The following SLC45A3 variants were observed in gnomAD, a reference collection of about 807,000 sequenced individuals.
SLC45A3 encodes the protein solute carrier family 45 member 3, also known as prostate cancer associated protein 2.
SLC45A3 carries 17 observed loss-of-function variants against 35.3 expected under a neutral mutation model. The ratio of observed to expected loss-of-function variants is 0.48; its 90% CI spans 0.33 to 0.72. SLC45A3 has a LOEUF of 0.72. Among genes scored for constraint, SLC45A3 ranks in the 30% least tolerant of loss-of-function variants. The probability of loss-of-function intolerance (pLI) is 0.02; values close to 1 mark genes in which losing one functional copy is unlikely to be tolerated. For synonymous variants in SLC45A3, 288 were observed against 334.3 expected, an observed-to-expected ratio of 0.86 and a Z score of 1.51; for missense variants, 597 against 731.7, an observed-to-expected ratio of 0.82 and a Z score of 2.12.
chr1:205,664,729 G>A lies in SLC45A3; in HGVS notation c.-73C>T. ...ACTGCTTCGTCTCGGCTCTGCTCCA[G>A]AAGCTGCGGCCTCTCCTCCTTGCTG... On this transcript the variant is annotated 5_prime_UTR_variant, in exon 2 of 5. Coordinates refer to ENST00000367145, the MANE Select transcript of SLC45A3 (RefSeq NM_033102.3). This position sits in a 1 kb window ranked among gnomAD's most constrained non-coding sequence, Gnocchi z 5.3. 6.4e-7 allele frequency: 1 copy of A among 1,556,648 alleles called. No homozygotes were observed. The highest frequency in any genetic ancestry group is 8.7e-7 in the Non-Finnish European group (1 of 1,153,602).
At chr1:205,676,842 A>G (rs1201487105) in intron 1 of SLC45A3, among the ~76,000 whole-genome samples, 1 of 152,116 alleles carries the variant, frequency 6.6e-6, no homozygotes. Flanking sequence ...CTCCAGCTCT[A>G]TTGCTGGGAG....
chr1:205,659,240 T>C lies in SLC45A3; in HGVS notation c.1656A>G (p.Ser552=), dbSNP rs556343628. The C allele has an allele frequency of 1.2e-6, 2 of 1,608,564 alleles. No individual in the cohort carries two copies. Among genetic ancestry groups the C allele is most frequent in the East Asian group, 2.2e-5 (1 of 44,828 alleles). ...CCAATGTGCTGGAAGTTTTCTACGC[T>C]GAGTATTTGGCCAAGTCGCTCTTGT... ...VFDKSDLAKY[S]A is the part of the protein sequence containing the mutation. The change falls in exon 5 of 5, where the codon TCA becomes TCG. Residue 552 remains serine (S), a synonymous_variant. Coordinates refer to ENST00000367145, the MANE Select transcript of SLC45A3 (RefSeq NM_033102.3). The surrounding 1 kb of genome is among the most constrained non-coding windows in gnomAD (Gnocchi z 5.8).
chr1:205,667,090 C>G (rs1671131157), intron 1 of SLC45A3, among the ~76,000 whole-genome samples: 1 of 152,180 alleles, frequency 6.6e-6, no homozygotes, highest in Admixed American at 6.5e-5. Flanking sequence ...AATTGCAGGC[C>G]AGGCACAGTG....
At chr1:205,671,691 C>T (rs1022683865) in intron 1 of SLC45A3, among the ~76,000 whole-genome samples, 4 of 152,118 alleles carry the variant, frequency 2.6e-5, no homozygotes, top group Admixed American at 1.3e-4. Context: ...GAAACCCCGT[C>T]TCTACTAAAA....
In SLC45A3 at chr1:205,659,526, G is replaced by GAGCA. The variant is rs759712471; in HGVS notation, c.1369_1370insTGCT (p.Pro457LeufsTer12). 3.0e-5 allele frequency: 48 copies of GAGCA among 1,610,388 alleles called. No individual in the cohort carries two copies. Among genetic ancestry groups the GAGCA allele is most frequent in the Non-Finnish European group, 3.8e-5 (45 of 1,177,932 alleles). On this transcript the variant is annotated frameshift_variant, in exon 5 of 5. Coordinates refer to ENST00000367145, the MANE Select transcript of SLC45A3 (RefSeq NM_033102.3). LOFTEE classifies it high-confidence loss of function. The surrounding 1 kb of genome is among the most constrained non-coding windows in gnomAD (Gnocchi z 5.8). Reference sequence around the variant, plus strand: ...GGCAGAGGCCCCGCAGAGCGCGGGTGGAGGTGGGAGCAGGCCACTGCCTCC... The same window carrying GAGCA: ...GGCAGAGGCCCCGCAGAGCGCGGGTGAGCAGAGGTGGGAGCAGGCCACTGCCTCC...
intron 1 of SLC45A3, among the ~76,000 whole-genome samples, chr1:205,667,764 G>A (rs1671142627): frequency 6.6e-6 from 1 of 151,942 alleles, no homozygotes; most frequent in East Asian, 1.9e-4. Context: ...CACCTGCCTT[G>A]CCCCTCCCTT....
chr1:205,659,141 T>C lies in SLC45A3; in HGVS notation c.*93A>G, dbSNP rs574022113. The C allele has an allele frequency of 8.3e-6, 11 of 1,331,110 alleles. No homozygotes were observed. The African/African-American group carries it at 1.3e-4, about 16-fold the overall frequency. 82.5% of individuals were successfully genotyped at this position (1,331,110 alleles called of 1,614,324 possible). A position where few individuals can be genotyped will look rare whatever the true frequency, so the allele number is the denominator to read the frequency against. ...ACATTACTTTGGCAGCAACAGAAACTGGCGGCCAGCCCGGCAGCCCCATGG... is the reference window on the plus strand; with the variant it reads ...ACATTACTTTGGCAGCAACAGAAACCGGCGGCCAGCCCGGCAGCCCCATGG... On this transcript the variant is annotated 3_prime_UTR_variant, in exon 5 of 5. Coordinates refer to ENST00000367145, the MANE Select transcript of SLC45A3 (RefSeq NM_033102.3). This position sits in a 1 kb window ranked among gnomAD's most constrained non-coding sequence, Gnocchi z 5.8.
chr1:205,659,399 G>A lies in SLC45A3; in HGVS notation c.1497C>T (p.Phe499=). The part of the protein sequence containing the change: ...CLDLAILDSA[F]LLSQVAPSLF... ...GGGATGGGGCCACCTGGGACAGCAG[G>A]AAGGCACTATCCAGGATGGCGAGGT... Residue 499 remains phenylalanine, a synonymous_variant, in exon 5 of 5, where the codon TTC becomes TTT. Transcript: ENST00000367145. The surrounding 1 kb of genome is among the most constrained non-coding windows in gnomAD (Gnocchi z 5.8). 2 of 1,614,208 alleles carry A rather than the reference G, an allele frequency of 1.2e-6. No homozygotes were observed. Among genetic ancestry groups the A allele is most frequent in the Non-Finnish European group, 1.7e-6 (2 of 1,180,042 alleles).
intron 4 of SLC45A3, among the ~76,000 whole-genome samples, chr1:205,661,517 G>A (rs1366708563): frequency 1.3e-5 from 2 of 152,078 alleles, no homozygotes; most frequent in Non-Finnish European, 2.9e-5. Context: ...ATGGCCCAGG[G>A]GTCATCTGAT....
chr1:205,659,604 A>T lies in SLC45A3; in HGVS notation c.1292T>A (p.Phe431Tyr), dbSNP rs1409052781. 6.4e-7 allele frequency: 1 copy of T among 1,561,314 alleles called. No homozygotes were observed. Among genetic ancestry groups the T allele is most frequent in the Non-Finnish European group, 8.7e-7 (1 of 1,155,586 alleles). Reference sequence around the variant, plus strand: ...AGCTCCAGGCTTAGGGCCTGGCAGGAAGCTGGTCATCAGGCTGTCCTCACT... The same window carrying T: ...AGCTCCAGGCTTAGGGCCTGGCAGGTAGCTGGTCATCAGGCTGTCCTCACT... ...ASSEDSLMTS[F>Y]LPGPKPGAPF... The change falls in exon 5 of 5, where the codon TTC becomes TAC. Residue 431 changes from phenylalanine (F) to tyrosine (Y), a missense_variant. Phe to Tyr is a conservative substitution (Grantham distance 22). Coordinates refer to ENST00000367145, the MANE Select transcript of SLC45A3 (RefSeq NM_033102.3). This position sits in a 1 kb window ranked among gnomAD's most constrained non-coding sequence, Gnocchi z 5.8.
intron 1 of SLC45A3, among the ~76,000 whole-genome samples, chr1:205,672,305 G>A (rs1671231166): frequency 6.6e-6 from 1 of 152,106 alleles, no homozygotes; most frequent in Admixed American, 6.5e-5. Flanking sequence ...CTCCCCAGGT[G>A]CTGGCCCCAA....
chr1:205,679,200 T>TG lies in SLC45A3; in HGVS notation c.-231+1193dup, dbSNP rs1226492067. On this transcript the variant is annotated intron_variant, in intron 1 of 4. Coordinates refer to ENST00000367145, the MANE Select transcript of SLC45A3 (RefSeq NM_033102.3). ...CAGCAGCTGGGCTATTCTTAGTCCC[T>TG]GCTCCACCGGGACCGGGTCTGTGTA... Among the ~76,000 whole-genome samples the TG allele has an allele frequency of 3.9e-5, 6 of 152,220 alleles. No individual in the cohort carries two copies. The East Asian group carries it at 1.2e-3, about 29-fold the overall frequency.
intron 1 of SLC45A3, among the ~76,000 whole-genome samples, chr1:205,674,602 C>CAAAAA (rs57508315): frequency 2.1e-5 from 2 of 95,456 alleles, no homozygotes; most frequent in East Asian, 9.4e-4. Flanking sequence ...GATGCTGTTT[C>CAAAAA]AAAAAAAAAA....
In SLC45A3 at chr1:205,669,685, G is replaced by A. The variant is rs1462993315; in HGVS notation, c.-230-4799C>T. Among the ~76,000 whole-genome samples the A allele has an allele frequency of 6.6e-6, 1 of 152,158 alleles. No individual in the cohort carries two copies. The highest frequency in any genetic ancestry group is 1.9e-4 in the East Asian group (1 of 5,172). ...GGCTCAGCGACCCTGCGTGTTCCCT[G>A]CACACTCACAAAGACGCTCTGCTTT... On this transcript the variant is annotated intron_variant, in intron 1 of 4. Coordinates refer to ENST00000367145, the MANE Select transcript of SLC45A3 (RefSeq NM_033102.3). This position sits in a 1 kb window ranked among gnomAD's most constrained non-coding sequence, Gnocchi z 4.1.
Position 205,669,186 on chromosome 1 carries a change from A to C in SLC45A3, c.-230-4300T>G, listed in dbSNP as rs1335401142. Among the ~76,000 whole-genome samples the C allele has an allele frequency of 6.6e-6, 1 of 152,214 alleles. No homozygotes were observed. The highest frequency in any genetic ancestry group is 1.5e-5 in the Non-Finnish European group (1 of 68,034). Reference sequence around the variant, plus strand: ...TTGCAGGCCCAACTCCAGAGGGAGCAGCTCCTATGGGCTCAAAGGTGGTGA... The same window carrying C: ...TTGCAGGCCCAACTCCAGAGGGAGCCGCTCCTATGGGCTCAAAGGTGGTGA... On this transcript the variant is annotated intron_variant, in intron 1 of 4. Transcript: ENST00000367145. This position sits in a 1 kb window ranked among gnomAD's most constrained non-coding sequence, Gnocchi z 4.1.
At chr1:205,667,305 G>A (rs934153425) in intron 1 of SLC45A3, among the ~76,000 whole-genome samples, 1 of 152,190 alleles carries the variant, frequency 6.6e-6, no homozygotes, top group African/African-American at 2.4e-5. Context: ...CAGGAGGTTC[G>A]AGACCAGCCC....
chr1:205,664,516 C>A lies in SLC45A3; in HGVS notation c.141G>T (p.Gly47=). 2 of 1,614,204 alleles carry A rather than the reference C, an allele frequency of 1.2e-6. No individual in the cohort carries two copies. Among genetic ancestry groups the A allele is most frequent in the Non-Finnish European group, 8.5e-7 (1 of 1,180,026 alleles). Residue 47 remains glycine (G), a synonymous_variant, in exon 2 of 5, where the codon GGG becomes GGT. Coordinates refer to ENST00000367145, the MANE Select transcript of SLC45A3 (RefSeq NM_033102.3). This position sits in a 1 kb window ranked among gnomAD's most constrained non-coding sequence, Gnocchi z 5.3. ...CCATGGTCATGAACTTCTCCTCTAC[C>A]CCCACTTCCAGCAGCAGAGGCGGCA... ...TYVPPLLLEV[G]VEEKFMTMVL...
intron 1 of SLC45A3, among the ~76,000 whole-genome samples, chr1:205,670,567 G>A (rs1465342979): frequency 2.0e-5 from 3 of 152,166 alleles, no homozygotes; most frequent in Non-Finnish European, 4.4e-5. Context: ...TTGCTCCCTG[G>A]TGCCTGCCTC....
chr1:205,667,837 CA>C (rs933462324), intron 1 of SLC45A3, among the ~76,000 whole-genome samples: 127 of 152,172 alleles, frequency 8.3e-4, no homozygotes, highest in Admixed American at 3.3e-3. Flanking sequence ...GGGAAAAAGA[CA>C]AAAAGAAAGA....
Sources: allele counts gnomAD v4.1 joint callset (sites outside exome capture counted in the v4.1 genomes callset), GRCh38; gene constraint gnomAD v4.1.1; non-coding constraint Gnocchi (gnomAD v3.1); transcripts MANE v1.5; gene names NCBI Gene and HGNC (gene_info 2026-07-23, HGNC 2026-07-21).